The following GRM5 variants were observed in gnomAD, a reference collection of about 807,000 sequenced individuals.
GRM5 encodes glutamate metabotropic receptor 5, also known as metabotropic glutamate receptor 5.
GRM5 carries 19 observed loss-of-function variants against 83.1 expected under a neutral mutation model. The ratio of observed to expected loss-of-function variants is 0.23; its 90% CI spans 0.16 to 0.34. GRM5 has a LOEUF of 0.34. Among genes scored for constraint, GRM5 ranks in the 10% least tolerant of loss-of-function variants. The pLI is 1.00. For missense variants in GRM5, 1,160 were observed against 1,588.3 expected, an observed-to-expected ratio of 0.73 and a Z score of 4.58; for synonymous variants, 675 against 633.6, an observed-to-expected ratio of 1.07 and a Z score of -0.98.
intron 3 of GRM5, among the ~76,000 whole-genome samples, chr11:88,713,748 C>G (rs1043903931): frequency 1.3e-5 from 2 of 151,932 alleles, no homozygotes; most frequent in African/African-American, 2.4e-5. Flanking sequence ...TACAGGTACT[C>G]TCTGATGAAG....
intron 3 of GRM5, among the ~76,000 whole-genome samples, chr11:88,767,849 A>G (rs576680805): frequency 3.3e-5 from 5 of 152,106 alleles, no homozygotes; most frequent in Middle Eastern, 3.4e-3. Context: ...GATGCTTAGC[A>G]TAATTAATCA....
intron 2 of GRM5, among the ~76,000 whole-genome samples, chr11:88,914,967 T>C (rs893803759): frequency 6.6e-6 from 1 of 152,132 alleles, no homozygotes; most frequent in Non-Finnish European, 1.5e-5. Context: ...TATTCAGGTA[T>C]GGGTAAGAAA....
intron 2 of GRM5, among the ~76,000 whole-genome samples, chr11:89,009,823 C>A (rs1354268058): frequency 7.3e-6 from 1 of 136,890 alleles, no homozygotes; most frequent in Non-Finnish European, 1.5e-5. Context: ...ATGGCGTGAA[C>A]CCGGGAGGCG....
At chr11:88,809,947 G>A (rs997580776) in intron 3 of GRM5, among the ~76,000 whole-genome samples, 1 of 151,986 alleles carries the variant, frequency 6.6e-6, no homozygotes, top group Admixed American at 6.6e-5. Context: ...CCTGATATTT[G>A]AATTTAATTG....
At chr11:89,052,279 C>T (rs1164652904) in intron 1 of GRM5, among the ~76,000 whole-genome samples, 4 of 152,000 alleles carry the variant, frequency 2.6e-5, no homozygotes, top group African/African-American at 2.4e-5. Flanking sequence ...TGCATGAAAT[C>T]GCCTGGAGAG....
At chr11:88,533,783 C>T (rs1278773347) in intron 8 of GRM5, among the ~76,000 whole-genome samples, 4 of 152,108 alleles carry the variant, frequency 2.6e-5, no homozygotes, top group African/African-American at 4.8e-5. Context: ...CTCCAGAGCA[C>T]GTCAGAGGTC....
At chr11:88,601,789 G>C (rs555457547) in intron 5 of GRM5, among the ~76,000 whole-genome samples, 3 of 152,144 alleles carry the variant, frequency 2.0e-5, no homozygotes, top group Non-Finnish European at 4.4e-5. Flanking sequence ...CTAAACCCGA[G>C]ATTAGCAAAC....
intron 2 of GRM5, among the ~76,000 whole-genome samples, chr11:88,947,552 T>C (rs1275917227): frequency 6.6e-6 from 1 of 152,056 alleles, no homozygotes; most frequent in African/African-American, 2.4e-5. Context: ...TTTTTCCCTA[T>C]TATCCCTCTC....
At chr11:89,042,891 T>C (rs1260469919) in intron 2 of GRM5, among the ~76,000 whole-genome samples, 1 of 147,194 alleles carries the variant, frequency 6.8e-6, no homozygotes, top group Non-Finnish European at 1.5e-5. Flanking sequence ...TTCAATAATG[T>C]ATGCTACCAG....
At chr11:88,736,963 AG>A (rs1941927280) in intron 3 of GRM5, among the ~76,000 whole-genome samples, 2 of 152,084 alleles carry the variant, frequency 1.3e-5, no homozygotes, top group Non-Finnish European at 2.9e-5. Flanking sequence ...CCCTTCATCT[AG>A]GAAATACATG....
At chr11:88,854,987 T>C (rs1398652294) in intron 2 of GRM5, among the ~76,000 whole-genome samples, 2 of 151,834 alleles carry the variant, frequency 1.3e-5, no homozygotes, top group Admixed American at 1.3e-4. Flanking sequence ...GATAATAAAG[T>C]ATAACAGCAT....
chr11:88,897,215 C>A (rs539419333), intron 2 of GRM5, among the ~76,000 whole-genome samples: 1 of 151,804 alleles, frequency 6.6e-6, no homozygotes, highest in Non-Finnish European at 1.5e-5. Context: ...TCTTAACAGG[C>A]AAGAAAAAAT....
At chr11:88,731,339 A>C (rs994305102) in intron 3 of GRM5, among the ~76,000 whole-genome samples, 1 of 152,032 alleles carries the variant, frequency 6.6e-6, no homozygotes, top group East Asian at 1.9e-4. Flanking sequence ...GTATTATTCT[A>C]CTGCTTGAAA....
chr11:88,998,033 G>C (rs1940248920), intron 2 of GRM5, among the ~76,000 whole-genome samples: 1 of 151,140 alleles, frequency 6.6e-6, no homozygotes, highest in Non-Finnish European at 1.5e-5. Context: ...AAATGAGAGG[G>C]GGCAGGAGAA....
intron 7 of GRM5, among the ~76,000 whole-genome samples, chr11:88,587,636 C>G (rs1565350035): frequency 1.3e-5 from 2 of 152,040 alleles, no homozygotes; most frequent in Non-Finnish European, 2.9e-5. Flanking sequence ...CTCACCTTCC[C>G]CCCAGCATTC....
At chr11:88,582,307 T>C (rs1943227711) in intron 7 of GRM5, among the ~76,000 whole-genome samples, 1 of 152,240 alleles carries the variant, frequency 6.6e-6, no homozygotes, top group African/African-American at 2.4e-5. Flanking sequence ...GTGCCACCAC[T>C]GCATTTGGTG....
intron 3 of GRM5, among the ~76,000 whole-genome samples, chr11:88,831,062 A>G (rs1375888985): frequency 6.6e-6 from 1 of 151,952 alleles, no homozygotes; most frequent in Admixed American, 6.6e-5. Context: ...ATGAGTTCTG[A>G]GTGGGGACAC....
chr11:88,899,342 G>C (rs1471024786), intron 2 of GRM5, among the ~76,000 whole-genome samples: 2 of 151,820 alleles, frequency 1.3e-5, no homozygotes, highest in Non-Finnish European at 2.9e-5. Context: ...TATACCCTGA[G>C]ATAGGAGAGT....
At chr11:88,615,339 A>T (rs1207401878) in intron 4 of GRM5, among the ~76,000 whole-genome samples, 2 of 152,166 alleles carry the variant, frequency 1.3e-5, no homozygotes, top group African/African-American at 4.8e-5. Context: ...TAACTTTTGT[A>T]ATTTCTTATT....
Sources: gnomAD v4.1 joint callset for allele counts (sites outside exome capture counted in the v4.1 genomes callset) on GRCh38, gnomAD v4.1.1 for gene constraint, MANE v1.5 for transcripts, NCBI Gene and HGNC (gene_info 2026-07-23, HGNC 2026-07-21) for gene names.